KIF5C: variants seen among roughly 807,000 people sequenced by gnomAD.
KIF5C encodes the protein kinesin family member 5C, also known as kinesin heavy chain isoform 5C.
Under a neutral mutation model 125.2 loss-of-function variants are expected in KIF5C, and 18 were observed. The observed-to-expected ratio is 0.14, with a 90% CI of 0.10 to 0.21. The LOEUF is 0.21. KIF5C is among the 10% of genes least tolerant of loss of function. The probability of loss-of-function intolerance (pLI) is 1.00; values close to 1 mark genes in which losing one functional copy is unlikely to be tolerated. For missense variants in KIF5C, 780 were observed against 1,183.8 expected (o/e 0.66, Z 5.01); for synonymous variants, 405 against 434.0 (o/e 0.93, Z 0.83).
At position 148,970,663 on chromosome 2, in the gene KIF5C, G is replaced by A. The variant is rs566854413; in HGVS notation, c.1118-2673G>A. ...TGGGACAACCCTTCTACTTGGTGACGCTATCATTCCTTAATGGGAGAAGAG... is the reference window on the plus strand; with the variant it reads ...TGGGACAACCCTTCTACTTGGTGACACTATCATTCCTTAATGGGAGAAGAG... On this transcript the variant is annotated intron_variant, in intron 11 of 25. Transcript: ENST00000435030. Among the ~76,000 whole-genome samples the A allele has an allele frequency of 1.3e-4, 20 of 152,270 alleles. No homozygotes were observed. The East Asian group carries it at 2.9e-3, about 22-fold the overall frequency.
rs533975296 is a variant in KIF5C, at chr2:148,877,538, C to G, written c.126+1795C>G. Among the ~76,000 whole-genome samples, 25 of 152,338 alleles carry G rather than the reference C, an allele frequency of 1.6e-4. 2 individuals are homozygous for G. In the South Asian group the frequency reaches 5.2e-3, roughly 32 times the overall value. The stretch of plus-strand genomic sequence containing the variant: ...GCTCTCAGCCAGTATCTGCCTACAG[C>G]CTGATCTGCTACTTTCTGAGCCAGG... On this transcript the variant is annotated intron_variant, in intron 1 of 25. Coordinates refer to ENST00000435030, the MANE Select transcript of KIF5C (RefSeq NM_004522.3).
intron 11 of KIF5C, among the ~76,000 whole-genome samples, chr2:148,969,295 T>C (rs1272545903): frequency 6.6e-6 from 1 of 152,234 alleles, no homozygotes; most frequent in Non-Finnish European, 1.5e-5. Flanking sequence ...TAGAATGCTC[T>C]GTAAGCCTTA....
At chr2:149,003,712 C>T (rs1412477693) in intron 21 of KIF5C, among the ~76,000 whole-genome samples, 1 of 152,234 alleles carries the variant, frequency 6.6e-6, no homozygotes. Flanking sequence ...ATGATTTATA[C>T]TACCCTTCCC....
rs554441344 is a variant in KIF5C at position 148,900,104 on chromosome 2, C to T, written c.127-22033C>T. On this transcript the variant is annotated intron_variant, in intron 1 of 25. Coordinates refer to ENST00000435030, the MANE Select transcript of KIF5C (RefSeq NM_004522.3). ...ACCTTGTTTGATTGCTCTTGGAAAG[C>T]TATTTTGCTGATTTTGTGATTTTTT... 2.0e-5 allele frequency among the ~76,000 whole-genome samples: 3 copies of T among 152,218 alleles called. No homozygotes were observed. The South Asian group carries it at 6.2e-4, about 32-fold the overall frequency.
chr2:148,907,372 C>T (rs977902395), intron 1 of KIF5C, among the ~76,000 whole-genome samples: 19 of 152,220 alleles, frequency 1.2e-4, no homozygotes, highest in South Asian at 4.1e-4. Flanking sequence ...GGGCTCCAGA[C>T]GCAGTGGCAT....
intron 23 of KIF5C, among the ~76,000 whole-genome samples, chr2:149,009,424 T>A (rs184934540): frequency 1.5e-3 from 228 of 152,274 alleles, no homozygotes; most frequent in Non-Finnish European, 2.8e-3. Context: ...ACTTTGTGAT[T>A]TTCAAAACTC....
At chr2:148,897,036 T>C (rs993419917) in intron 1 of KIF5C, among the ~76,000 whole-genome samples, 116 of 152,304 alleles carry the variant, frequency 7.6e-4, no homozygotes, top group Middle Eastern at 3.4e-3. Context: ...TTTCACGATG[T>C]TGGCCAGGCT....
intron 6 of KIF5C, 63 bp from the exon 7 acceptor site, chr2:148,942,610 C>G (rs1200682814): frequency 1.2e-5 from 18 of 1,551,582 alleles, no homozygotes; most frequent in Admixed American, 1.9e-5. Flanking sequence ...AATGTTTCAG[C>G]CTTTCAAAAT....
At position 148,928,073 on chromosome 2, in the gene KIF5C, C is replaced by G. The variant is rs555296617; in HGVS notation, c.218-1208C>G. ...CACACTTCAACAACCTCAGATCAGT[C>G]AAATGTTTATTAAAATTTTTTTAAA... is the stretch of plus-strand genomic sequence containing the variant. On this transcript the variant is annotated intron_variant, in intron 2 of 25. Transcript: ENST00000435030. Among the ~76,000 whole-genome samples the G allele has an allele frequency of 3.9e-5, 6 of 152,034 alleles. No homozygotes were observed. In the East Asian group the frequency reaches 1.2e-3, roughly 29 times the overall value.
At chr2:149,014,800 T>G (rs767122390) in intron 25 of KIF5C, among the ~76,000 whole-genome samples, 1 of 152,202 alleles carries the variant, frequency 6.6e-6, no homozygotes, top group Non-Finnish European at 1.5e-5. Flanking sequence ...GGTTTTTAGT[T>G]CCTCTATAGC....
intron 1 of KIF5C, among the ~76,000 whole-genome samples, chr2:148,908,538 G>A (rs889861874): frequency 6.6e-6 from 1 of 152,210 alleles, no homozygotes; most frequent in Non-Finnish European, 1.5e-5. Flanking sequence ...ATGGGCTCTT[G>A]TTCTATCCCA....
At chr2:149,007,001 C>T (rs151079806) in intron 22 of KIF5C, among the ~76,000 whole-genome samples, 9 of 152,294 alleles carry the variant, frequency 5.9e-5, no homozygotes, top group African/African-American at 1.9e-4. Flanking sequence ...TGCTTTTAGA[C>T]CAGTGTTTTT....
intron 8 of KIF5C, chr2:148,947,902 C>CACTT (rs1300232993): frequency 4.4e-6 from 2 of 456,722 alleles, no homozygotes; most frequent in African/African-American, 2.0e-5. Flanking sequence ...GATTGATCCC[C>CACTT]ACTTATTGCA....
At chr2:148,946,518 A>G (rs1425524529) in intron 7 of KIF5C, among the ~76,000 whole-genome samples, 2 of 152,228 alleles carry the variant, frequency 1.3e-5, no homozygotes, top group African/African-American at 4.8e-5. Flanking sequence ...AGACTACATC[A>G]TGTATTAATC....
intron 11 of KIF5C, among the ~76,000 whole-genome samples, chr2:148,970,200 T>C (rs985426279): frequency 2.0e-5 from 3 of 152,176 alleles, no homozygotes; most frequent in Non-Finnish European, 4.4e-5. Flanking sequence ...AAACCTGAAA[T>C]GGACTTGCAT....
At chr2:149,009,817 T>A (rs979602095) in intron 23 of KIF5C, among the ~76,000 whole-genome samples, 34 of 152,146 alleles carry the variant, frequency 2.2e-4, no homozygotes, top group African/African-American at 8.0e-4. Context: ...GTCGATTTTC[T>A]CACACAATCC....
chr2:149,022,580 T>C (rs1389410290), intron 25 of KIF5C, among the ~76,000 whole-genome samples: 5 of 152,298 alleles, frequency 3.3e-5, no homozygotes. Flanking sequence ...CAATTAATCT[T>C]ACCTATTTCT....
intron 13 of KIF5C, 69 bp from the exon 14 acceptor site, chr2:148,981,286 T>C: frequency 6.8e-7 from 1 of 1,470,560 alleles, no homozygotes; most frequent in Non-Finnish European, 9.0e-7. Flanking sequence ...TACTTACTTT[T>C]GGATACAGCA....
rs192549594 is a variant in KIF5C, at chr2:148,950,594, A to C, written c.968+132A>C. 439 of 1,308,714 alleles carry C rather than the reference A, an allele frequency of 3.4e-4. 6 individuals are homozygous for C. In the East Asian group the frequency reaches 0.011, roughly 32 times the overall value. The allele number at this position is 1,308,714 out of a possible 1,614,324, so 81.1% of individuals were successfully genotyped here. A position where few individuals can be genotyped will look rare whatever the true frequency, so the allele number is the denominator to read the frequency against. On this transcript the variant is annotated intron_variant, in intron 10 of 25. Transcript: ENST00000435030. The stretch of plus-strand genomic sequence containing the variant: ...GAGGCCAAGGCGGGTGGATTGCCTG[A>C]GGTCAGGAGTTTGAGACCAGCCTGG...
Sources: allele counts gnomAD v4.1 joint callset (sites outside exome capture counted in the v4.1 genomes callset), GRCh38; gene constraint gnomAD v4.1.1; transcripts MANE v1.5; gene names NCBI Gene and HGNC (gene_info 2026-07-23, HGNC 2026-07-21).